LRIG1: variants seen among roughly 807,000 people sequenced by gnomAD.
LRIG1 encodes leucine rich repeats and immunoglobulin like domains 1, also known as leucine-rich repeats and immunoglobulin-like domains protein 1.
Under a neutral mutation model 99.2 loss-of-function variants are expected in LRIG1, and 48 were observed. The observed-to-expected ratio is 0.48, with a 90% CI of 0.38 to 0.62. LRIG1 has a LOEUF of 0.62. LRIG1 is among the 20% of genes least tolerant of loss of function. The pLI is 0.00. For missense variants in LRIG1, 1,646 were observed against 1,434.4 expected (o/e 1.15, Z -2.38); for synonymous variants, 772 against 596.1 (o/e 1.29, Z -4.30).
intron 3 of LRIG1, among the ~76,000 whole-genome samples, chr3:66,420,835 T>C (rs56390008): frequency 0.48 from 73,655 of 152,124 alleles, 21,205 homozygotes; most frequent in Non-Finnish European, 0.67. Context: ...TCCATTTTCA[T>C]GCTGCTGATA....
intron 6 of LRIG1, 95 bp downstream of exon 6, chr3:66,412,773 GTGT>G (rs1267677672): frequency 7.1e-7 from 1 of 1,404,072 alleles, no homozygotes; most frequent in Non-Finnish European, 9.9e-7. Flanking sequence ...AGCAACGTTG[GTGT>G]TGGTGCGCAC....
Position 66,483,207 on chromosome 3 carries a change from A to G in LRIG1, c.218+16983T>C, listed in dbSNP as rs1298007800. 3.3e-5 allele frequency among the ~76,000 whole-genome samples: 5 copies of G among 152,292 alleles called. No individual in the cohort carries two copies. The East Asian group carries it at 9.7e-4, about 29-fold the overall frequency. On this transcript the variant is annotated intron_variant, in intron 1 of 18. Coordinates refer to ENST00000273261, the MANE Select transcript of LRIG1 (RefSeq NM_015541.3). The stretch of plus-strand genomic sequence containing the variant: ...AGGCTGAGCTCATCAGGGAGAACAC[A>G]GCTTCCCATTGCCCCTTGCTAGCAT...
chr3:66,381,253 A>G (rs1701043124), intron 17 of LRIG1, among the ~76,000 whole-genome samples: 2 of 152,202 alleles, frequency 1.3e-5, no homozygotes, highest in Non-Finnish European at 2.9e-5. Flanking sequence ...TAAGTTGCTT[A>G]TACATCTAGA....
chr3:66,427,857 T>C (rs989707011), intron 3 of LRIG1, among the ~76,000 whole-genome samples: 1 of 152,218 alleles, frequency 6.6e-6, no homozygotes, highest in African/African-American at 2.4e-5. Flanking sequence ...TTCTGCCTAT[T>C]TCTGTGCTGT....
At chr3:66,447,054 G>A (rs1047378766) in intron 3 of LRIG1, among the ~76,000 whole-genome samples, 1 of 152,006 alleles carries the variant, frequency 6.6e-6, no homozygotes, top group East Asian at 1.9e-4. Context: ...GTGAGTTAAT[G>A]GTAAGTTCAT....
At chr3:66,413,768 T>A (rs1383549710) in intron 5 of LRIG1, among the ~76,000 whole-genome samples, 1 of 152,158 alleles carries the variant, frequency 6.6e-6, no homozygotes, top group Admixed American at 6.5e-5. Context: ...CAGGAATCAC[T>A]GAGACCTTCT....
chr3:66,420,814 C>T (rs71308814), intron 3 of LRIG1, among the ~76,000 whole-genome samples: 6,240 of 152,234 alleles, frequency 0.041, 189 homozygotes, highest in Non-Finnish European at 0.063. Flanking sequence ...TGTTGTTTAA[C>T]GGTGTATTAG....
At position 66,386,076 on chromosome 3, in the gene LRIG1, C is replaced by G. The variant is rs759019949; in HGVS notation, c.1694G>C (p.Arg565Pro). The change falls in exon 13 of 19, where the codon CGT becomes CCT. Residue 565 changes from arginine to proline, a missense_variant. Coordinates refer to ENST00000273261, the MANE Select transcript of LRIG1 (RefSeq NM_015541.3). Reference sequence around the variant, plus strand: ...GCCCTCGTGCCCGAAAGTGACCTGACGGAGGTGCAGGATGGTGGTGTACTC... The same window carrying G: ...GCCCTCGTGCCCGAAAGTGACCTGAGGGAGGTGCAGGATGGTGGTGTACTC... The part of the protein sequence containing the change: ...VMEYTTILHL[R>P]QVTFGHEGRY... 1.2e-6 allele frequency: 2 copies of G among 1,614,190 alleles called. No individual in the cohort carries two copies. The highest frequency in any genetic ancestry group is 1.7e-6 in the Non-Finnish European group (2 of 1,180,034).
intron 16 of LRIG1, 125 bp downstream of exon 16, chr3:66,382,148 T>C (rs1701113298): frequency 9.0e-7 from 1 of 1,113,420 alleles, no homozygotes; most frequent in Non-Finnish European, 1.3e-6. Flanking sequence ...TCATACCGCC[T>C]TCTACTTCAC....
intron 1 of LRIG1, among the ~76,000 whole-genome samples, chr3:66,487,383 G>A (rs888544122): frequency 1.3e-5 from 2 of 152,112 alleles, no homozygotes. Flanking sequence ...CCTCCACACA[G>A]GCCAATCAGG....
chr3:66,409,980 C>T (rs1441814725), intron 7 of LRIG1, 149 bp downstream of exon 7: 6 of 725,790 alleles, frequency 8.3e-6, no homozygotes, highest in East Asian at 5.4e-5. Context: ...GGGTTCCACC[C>T]TGGGCCTGGC....
intron 1 of LRIG1, among the ~76,000 whole-genome samples, chr3:66,485,865 C>A (rs570844175): frequency 1.3e-5 from 2 of 152,292 alleles, no homozygotes; most frequent in South Asian, 2.1e-4. Flanking sequence ...GTATAGAGCA[C>A]CAGCTGTACA....
At chr3:66,431,527 G>A (rs1703172140) in intron 3 of LRIG1, among the ~76,000 whole-genome samples, 1 of 152,188 alleles carries the variant, frequency 6.6e-6, no homozygotes, top group Non-Finnish European at 1.5e-5. Flanking sequence ...GAGCCCAGGG[G>A]TGTGAAATGA....
intron 3 of LRIG1, among the ~76,000 whole-genome samples, chr3:66,434,254 AAAC>A (rs1703267486): frequency 6.6e-6 from 1 of 152,240 alleles, no homozygotes. Flanking sequence ...CTCAAGAGCA[AAAC>A]AACAACAAAA....
chr3:66,413,328 C>T (rs1214887013), intron 5 of LRIG1, among the ~76,000 whole-genome samples: 1 of 152,208 alleles, frequency 6.6e-6, no homozygotes, highest in Non-Finnish European at 1.5e-5. Context: ...CCAGTAGCAC[C>T]AGTGCCATTT....
chr3:66,386,454 A>T (rs1701381106), intron 12 of LRIG1, 153 bp from the exon 13 acceptor site: 2 of 649,006 alleles, frequency 3.1e-6, no homozygotes, highest in Non-Finnish European at 2.7e-6. Flanking sequence ...CAGATGCCGT[A>T]AGAGTTGCAC....
intron 12 of LRIG1, among the ~76,000 whole-genome samples, chr3:66,390,871 T>C (rs927074406): frequency 2.6e-5 from 4 of 152,036 alleles, no homozygotes; most frequent in African/African-American, 9.7e-5. Flanking sequence ...AAATGAAAAA[T>C]AGCCCTCCCT....
Position 66,380,023 on chromosome 3 carries a change from A to G in LRIG1, c.*240T>C, listed in dbSNP as rs2107908853. 2.7e-6 allele frequency: 1 copy of G among 365,510 alleles called. No individual in the cohort carries two copies. Among genetic ancestry groups the G allele is most frequent in the East Asian group, 4.4e-5 (1 of 22,900 alleles). The allele number at this position is 365,510 out of a possible 1,614,324, so 22.6% of individuals were successfully genotyped here. A position where few individuals can be genotyped will look rare whatever the true frequency, so the allele number is the denominator to read the frequency against. ...TTAAAATAGCCTCTGTAAAAGATAT[A>G]TATGAAATCTCTGAAAACTCTTATG... On this transcript the variant is annotated 3_prime_UTR_variant, in exon 19 of 19. Transcript: ENST00000273261.
At chr3:66,434,459 C>G (rs980804183) in intron 3 of LRIG1, among the ~76,000 whole-genome samples, 1 of 152,256 alleles carries the variant, frequency 6.6e-6, no homozygotes. Flanking sequence ...AAAAATACAA[C>G]ACCACGGTCA....
Sources: allele counts gnomAD v4.1 joint callset (sites outside exome capture counted in the v4.1 genomes callset), GRCh38; gene constraint gnomAD v4.1.1; transcripts MANE v1.5; gene names NCBI Gene and HGNC (gene_info 2026-07-23, HGNC 2026-07-21).